STPG2: variants seen among roughly 807,000 people sequenced by gnomAD.
STPG2 encodes the protein sperm-tail PG-rich repeat-containing protein 2.
In STPG2, 56 loss-of-function variants were observed where a neutral mutation model predicts 54.2. The observed-to-expected ratio is 1.03, with a 90% CI of 0.83 to 1.29. The LOEUF (loss-of-function observed/expected upper bound fraction) is 1.29, where lower values mean the gene tolerates loss of function less well. Among genes scored for constraint, STPG2 ranks in the 50% most tolerant of loss-of-function variants. The pLI is 0.00. For missense variants in STPG2, 596 were observed against 544.9 expected, an observed-to-expected ratio of 1.09 and a Z score of -0.93; for synonymous variants, 200 against 181.8, an observed-to-expected ratio of 1.10 and a Z score of -0.81.
chr4:97,739,751 C>A (rs1008999692), intron 9 of STPG2, among the ~76,000 whole-genome samples: 1 of 152,102 alleles, frequency 6.6e-6, no homozygotes, highest in African/African-American at 2.4e-5. Context: ...GAGTCCAGGA[C>A]CAGATGGATT....
intron 4 of STPG2, among the ~76,000 whole-genome samples, chr4:97,532,587 GA>G (rs1731438067): frequency 6.6e-6 from 1 of 152,160 alleles, no homozygotes; most frequent in Admixed American, 6.5e-5. Flanking sequence ...ATAGCTTCTT[GA>G]AAGACATCCT....
At chr4:97,741,385 C>T (rs927212504) in intron 9 of STPG2, among the ~76,000 whole-genome samples, 3 of 152,172 alleles carry the variant, frequency 2.0e-5, no homozygotes, top group African/African-American at 7.2e-5. Context: ...AACTAAAGAG[C>T]TTCTGCACAG....
At chr4:97,933,422 T>C (rs1471071810) in intron 8 of STPG2, among the ~76,000 whole-genome samples, 1 of 152,188 alleles carries the variant, frequency 6.6e-6, no homozygotes. Flanking sequence ...GGTGATTTCA[T>C]CATAAAATCT....
At chr4:98,109,048 T>G (rs1739269325) in intron 4 of STPG2, 145 bp downstream of exon 4, 1 of 484,224 alleles carries the variant, frequency 2.1e-6, no homozygotes, top group Non-Finnish European at 3.7e-6. Flanking sequence ...TCAATAACTT[T>G]CATATACATT....
intron 4 of STPG2, among the ~76,000 whole-genome samples, chr4:97,476,701 G>A (rs921862783): frequency 2.0e-5 from 3 of 152,142 alleles, no homozygotes; most frequent in African/African-American, 4.8e-5. Context: ...TATTTTAGTT[G>A]AGCTTATTAT....
intron 9 of STPG2, among the ~76,000 whole-genome samples, chr4:97,811,276 G>A (rs1727732086): frequency 6.6e-6 from 1 of 151,834 alleles, no homozygotes; most frequent in Non-Finnish European, 1.5e-5. Context: ...ACAAGAAAAA[G>A]CAGTCTGCCA....
At chr4:97,630,483 A>T (rs1031315892) in intron 10 of STPG2, among the ~76,000 whole-genome samples, 7 of 151,992 alleles carry the variant, frequency 4.6e-5, no homozygotes, top group African/African-American at 9.6e-5. Flanking sequence ...TCTTAGCTTA[A>T]TGTTATATTC....
intron 10 of STPG2, among the ~76,000 whole-genome samples, chr4:97,634,527 C>T (rs1307216602): frequency 2.0e-5 from 3 of 151,720 alleles, no homozygotes; most frequent in South Asian, 2.1e-4. Flanking sequence ...AGGCTTCAGA[C>T]GATCAAATTA....
At chr4:97,444,090 T>C (rs1729157693) in intron 4 of STPG2, among the ~76,000 whole-genome samples, 2 of 152,030 alleles carry the variant, frequency 1.3e-5, no homozygotes, top group Non-Finnish European at 2.9e-5. Context: ...TAAGGAGAGA[T>C]TATTATAAAA....
At chr4:97,701,872 C>G (rs1466827881) in intron 10 of STPG2, among the ~76,000 whole-genome samples, 2 of 152,132 alleles carry the variant, frequency 1.3e-5, no homozygotes, top group African/African-American at 2.4e-5. Flanking sequence ...CACCACTTGG[C>G]CCCTGCCACC....
chr4:97,445,287 G>A (rs915109884), intron 4 of STPG2, among the ~76,000 whole-genome samples: 10 of 152,028 alleles, frequency 6.6e-5, no homozygotes, highest in South Asian at 4.1e-4. Context: ...TTTGTGAGAC[G>A]AAATTAAAAT....
intron 10 of STPG2, among the ~76,000 whole-genome samples, chr4:97,666,112 G>A (rs937318124): frequency 1.3e-5 from 2 of 152,156 alleles, no homozygotes; most frequent in Non-Finnish European, 2.9e-5. Context: ...CAAGAGCACA[G>A]GAATGCCCAG....
intron 7 of STPG2, among the ~76,000 whole-genome samples, chr4:97,952,156 T>C (rs1216435876): frequency 6.6e-6 from 1 of 152,116 alleles, no homozygotes; most frequent in African/African-American, 2.4e-5. Flanking sequence ...CACCTGAACC[T>C]GAAAGGTGCA....
chr4:98,012,360 G>T (rs144498059), intron 5 of STPG2, among the ~76,000 whole-genome samples: 1 of 152,196 alleles, frequency 6.6e-6, no homozygotes, highest in Non-Finnish European at 1.5e-5. Flanking sequence ...TAGCCTTGCA[G>T]TATAGTGTGA....
At chr4:97,828,915 C>A (rs1728349038) in intron 9 of STPG2, among the ~76,000 whole-genome samples, 1 of 152,152 alleles carries the variant, frequency 6.6e-6, no homozygotes, top group Non-Finnish European at 1.5e-5. Flanking sequence ...TGGGACAGAG[C>A]AGCTGGGAGG....
intron 4 of STPG2, among the ~76,000 whole-genome samples, chr4:97,473,865 C>T (rs951000467): frequency 6.6e-6 from 1 of 152,104 alleles, no homozygotes; most frequent in African/African-American, 2.4e-5. Context: ...TAGAAAAGAA[C>T]CTACATGAAA....
At chr4:98,135,820 A>C (rs1354044016) in intron 1 of STPG2, among the ~76,000 whole-genome samples, 1 of 151,900 alleles carries the variant, frequency 6.6e-6, no homozygotes, top group Non-Finnish European at 1.5e-5. Flanking sequence ...TGAGAAATTC[A>C]GGACACCAAT....
intron 5 of STPG2, among the ~76,000 whole-genome samples, chr4:97,984,683 A>G (rs1734776314): frequency 6.6e-6 from 1 of 152,216 alleles, no homozygotes; most frequent in Non-Finnish European, 1.5e-5. Context: ...AAACATTGAA[A>G]TCTTTCCAAA....
At chr4:97,566,431 G>A (rs113061462) in intron 10 of STPG2, among the ~76,000 whole-genome samples, 11,440 of 152,160 alleles carry the variant, frequency 0.075, 1,254 homozygotes, top group African/African-American at 0.24. Flanking sequence ...AGCACATGGC[G>A]TGCTGCACCC....
Sources: allele counts gnomAD v4.1 joint callset (sites outside exome capture counted in the v4.1 genomes callset), GRCh38; gene constraint gnomAD v4.1.1; transcripts MANE v1.5; gene names NCBI Gene and HGNC (gene_info 2026-07-23, HGNC 2026-07-21).